The following MBTD1 variants were observed in gnomAD, a reference collection of about 807,000 sequenced individuals.
MBTD1 encodes the protein mbt domain containing 1, also known as MBT domain-containing protein 1.
Under a neutral mutation model 87.8 loss-of-function variants are expected in MBTD1, and 24 were observed. The observed-to-expected ratio is 0.27, with a 90% confidence interval of 0.20 to 0.38. MBTD1 has a LOEUF of 0.38. MBTD1 is among the 10% of genes least tolerant of loss of function. The probability of loss-of-function intolerance (pLI) is 1.00; values close to 1 mark genes in which losing one functional copy is unlikely to be tolerated. For missense variants in MBTD1, 436 were observed against 760.2 expected, an observed-to-expected ratio of 0.57 and a Z score of 5.02; for synonymous variants, 237 against 248.6, an observed-to-expected ratio of 0.95 and a Z score of 0.44.
At chr17:51,194,566 CAAAAAAAA>C (rs71355733) in intron 13 of MBTD1, among the ~76,000 whole-genome samples, 7 of 19,752 alleles carry the variant, frequency 3.5e-4, no homozygotes, top group African/African-American at 1.1e-3. Context: ...GAGACTGTCT[CAAAAAAAA>C]AAAAAAAAAA....
At chr17:51,235,568 C>T (rs12943083) in intron 2 of MBTD1, among the ~76,000 whole-genome samples, 78,259 of 152,050 alleles carry the variant, frequency 0.51, 20,466 homozygotes, top group South Asian at 0.66. Context: ...ATAAATTCAC[C>T]GCATTAACAG....
chr17:51,220,180 C>A, intron 4 of MBTD1, 150 bp downstream of exon 4: 1 of 647,856 alleles, frequency 1.5e-6, no homozygotes. Flanking sequence ...GCTGAACAAA[C>A]TTTGGGGCTC....
At chr17:51,223,561 C>G (rs558558426) in intron 3 of MBTD1, among the ~76,000 whole-genome samples, 7 of 146,784 alleles carry the variant, frequency 4.8e-5, no homozygotes, top group Non-Finnish European at 9.0e-5. Flanking sequence ...AAAGCCTGGG[C>G]GTGGTGGCTC....
intron 6 of MBTD1, among the ~76,000 whole-genome samples, chr17:51,212,215 G>A (rs946217015): frequency 4.0e-5 from 6 of 151,708 alleles, no homozygotes; most frequent in Non-Finnish European, 8.8e-5. Flanking sequence ...AAAATTAGCC[G>A]AGTGTGGTTG....
chr17:51,228,806 G>A (rs1276426721), intron 2 of MBTD1, among the ~76,000 whole-genome samples: 1 of 145,644 alleles, frequency 6.9e-6, no homozygotes, highest in South Asian at 2.2e-4. Flanking sequence ...CTGAGGCAGG[G>A]AGAAATGCTT....
At chr17:51,240,943 A>C (rs2054129331) in intron 2 of MBTD1, among the ~76,000 whole-genome samples, 1 of 152,106 alleles carries the variant, frequency 6.6e-6, no homozygotes, top group Non-Finnish European at 1.5e-5. Context: ...TCAAATCCAG[A>C]GGCACGAGGT....
intron 2 of MBTD1, among the ~76,000 whole-genome samples, chr17:51,229,494 T>C (rs2053432049): frequency 6.6e-6 from 1 of 152,122 alleles, no homozygotes; most frequent in African/African-American, 2.4e-5. Flanking sequence ...AACATTTGCA[T>C]TGAGACAGGA....
intron 6 of MBTD1, chr17:51,209,422 T>A: frequency 4.2e-6 from 2 of 471,180 alleles, no homozygotes; most frequent in South Asian, 3.1e-5. Context: ...TGGGAGCGAC[T>A]CTCCTTCCCT....
chr17:51,240,981 T>C (rs1189395692), intron 2 of MBTD1, among the ~76,000 whole-genome samples: 2 of 148,986 alleles, frequency 1.3e-5, no homozygotes, highest in East Asian at 1.9e-4. Flanking sequence ...GTGATGTTAA[T>C]TTTTTTTTTT....
chr17:51,195,628 C>T (rs948862772), intron 12 of MBTD1, among the ~76,000 whole-genome samples: 1 of 152,210 alleles, frequency 6.6e-6, no homozygotes, highest in Non-Finnish European at 1.5e-5. Flanking sequence ...ATAGCTATAG[C>T]TGCCTGCTGT....
Position 51,183,661 on chromosome 17 carries a change from GTTC to G in MBTD1, c.1769-2970_1769-2968del, listed in dbSNP as rs1329928724. On this transcript the variant is annotated intron_variant, in intron 16 of 16. Coordinates refer to ENST00000586178, the MANE Select transcript of MBTD1 (RefSeq NM_017643.3). ...TACAGCAAACAAGACTGTGCAGTTA[GTTC>G]TTCCTTTCATTAAAAAATTACTTAA... The G allele has an allele frequency of 3.3e-5, 5 of 152,168 alleles. No individual in the cohort carries two copies. The East Asian group carries it at 9.6e-4, about 29-fold the overall frequency. The allele number at this position is 152,168 out of a possible 1,614,324, so 9.4% of individuals were successfully genotyped here. A position where few individuals can be genotyped will look rare whatever the true frequency, so the allele number is the denominator to read the frequency against.
At chr17:51,245,196 G>A (rs1164762834) in intron 2 of MBTD1, among the ~76,000 whole-genome samples, 1 of 152,150 alleles carries the variant, frequency 6.6e-6, no homozygotes, top group Non-Finnish European at 1.5e-5. Flanking sequence ...CACTGTGCCC[G>A]GCCCTAGAGG....
At chr17:51,199,368 G>C (rs1158839753) in intron 12 of MBTD1, among the ~76,000 whole-genome samples, 10 of 151,768 alleles carry the variant, frequency 6.6e-5, no homozygotes, top group Admixed American at 6.6e-4. Flanking sequence ...TGAGCCACCT[G>C]TAATTGTAAT....
chr17:51,206,062 G>T (rs562127071), intron 7 of MBTD1, among the ~76,000 whole-genome samples: 20 of 152,178 alleles, frequency 1.3e-4, no homozygotes, highest in South Asian at 4.2e-4. Flanking sequence ...TGGCCGATGT[G>T]AACATGCTGG....
Position 51,259,217 on chromosome 17 carries a change from A to C in MBTD1, c.-112-11T>G. On this transcript the variant is annotated splice_polypyrimidine_tract_variant and intron_variant, in intron 1 of 16. Transcript: ENST00000586178. ...ATGTCTCTTCCGACTCTGAAATGTT[A>C]GGATTCTTATTTCACAAAGGAGAAC... The C allele has an allele frequency of 8.2e-7, 1 of 1,223,960 alleles. No homozygotes were observed. The highest frequency in any genetic ancestry group is 1.0e-6 in the Non-Finnish European group (1 of 980,534). The allele number at this position is 1,223,960 out of a possible 1,614,324, so 75.8% of individuals were successfully genotyped here.
At chr17:51,188,554 A>T (rs1013075298) in intron 16 of MBTD1, among the ~76,000 whole-genome samples, 1 of 152,204 alleles carries the variant, frequency 6.6e-6, no homozygotes, top group African/African-American at 2.4e-5. Context: ...TCTGGTATTT[A>T]TATCAGTCTG....
At chr17:51,184,575 C>T (rs1008315266) in intron 16 of MBTD1, 1 of 152,196 alleles carries the variant, frequency 6.6e-6, no homozygotes, top group Non-Finnish European at 1.5e-5. Flanking sequence ...AAGGAAGTCA[C>T]ATAGGATGCC....
At chr17:51,180,824 C>T in intron 16 of MBTD1, 130 bp from the exon 17 acceptor site, 1 of 660,574 alleles carries the variant, frequency 1.5e-6, no homozygotes, top group South Asian at 1.7e-5. Context: ...TTTTAATTTT[C>T]CAGTATATTA....
chr17:51,235,986 T>C (rs964393774), intron 2 of MBTD1, among the ~76,000 whole-genome samples: 3 of 152,132 alleles, frequency 2.0e-5, no homozygotes, highest in East Asian at 1.9e-4. Flanking sequence ...AGTCCATAAA[T>C]AGACCTCTAT....
Sources: gnomAD v4.1 joint callset for allele counts (sites outside exome capture counted in the v4.1 genomes callset) on GRCh38, gnomAD v4.1.1 for gene constraint, MANE v1.5 for transcripts, NCBI Gene and HGNC (gene_info 2026-07-23, HGNC 2026-07-21) for gene names.